MYBPC1: variants seen among roughly 807,000 people sequenced by gnomAD.
MYBPC1 encodes myosin-binding protein C, slow-type.
Under a neutral mutation model 147.1 loss-of-function variants are expected in MYBPC1, and 52 were observed. That is an observed-to-expected ratio of 0.35 (90% confidence interval 0.28 to 0.45). The LOEUF is 0.45. Among genes scored for constraint, MYBPC1 ranks in the 20% least tolerant of loss-of-function variants. MYBPC1 has a pLI of 1.00. For synonymous variants in MYBPC1, 477 were observed against 475.9 expected, an observed-to-expected ratio of 1.00 and a Z score of -0.03; for missense variants, 1,228 against 1,440.3, an observed-to-expected ratio of 0.85 and a Z score of 2.39.
intron 1 of MYBPC1, among the ~76,000 whole-genome samples, chr12:101,602,119 T>G (rs1880278183): frequency 6.6e-6 from 1 of 152,240 alleles, no homozygotes; most frequent in African/African-American, 2.4e-5. Context: ...TTTGTATGCC[T>G]CTGTTTCCTC....
chr12:101,680,954 A>G (rs534914572), intron 29 of MYBPC1, among the ~76,000 whole-genome samples: 1 of 152,290 alleles, frequency 6.6e-6, no homozygotes, highest in Admixed American at 6.5e-5. Flanking sequence ...TTAGTTTACT[A>G]TTTTGTAAAG....
Position 101,661,177 on chromosome 12 carries a change from G to A in MYBPC1, c.1947G>A (p.Val649=). ...CCACAGACTTCCCTGATCCTCCAGTGGCACCGACTGTGACAGAGGTGGGAG... is the reference window on the plus strand; with the variant it reads ...CCACAGACTTCCCTGATCCTCCAGTAGCACCGACTGTGACAGAGGTGGGAG... ...VKVVDFPDPP[V]APTVTEVGDD... The change falls in exon 20 of 32, where the codon GTG becomes GTA. Residue 649 remains valine (V), a synonymous_variant. Transcript: ENST00000361466. 2 of 1,613,476 alleles carry A rather than the reference G, an allele frequency of 1.2e-6. No homozygotes were observed. The highest frequency in any genetic ancestry group is 1.7e-4 in the Middle Eastern group (1 of 5,794).
chr12:101,614,618 A>C, intron 2 of MYBPC1, 87 bp downstream of exon 2: 1 of 1,392,900 alleles, frequency 7.2e-7, no homozygotes, highest in Non-Finnish European at 1.0e-6. Flanking sequence ...GGGTGCTGTG[A>C]GCTGTGAGCT....
At chr12:101,672,076 T>G (rs1038787868) in intron 24 of MYBPC1, among the ~76,000 whole-genome samples, 2 of 152,118 alleles carry the variant, frequency 1.3e-5, no homozygotes, top group African/African-American at 4.8e-5. Flanking sequence ...AATTCAGTGG[T>G]TTTTTCCACT....
rs76085227 is a variant in MYBPC1, at chr12:101,595,565, CT to C, written c.25+477del. ...TGTGACATTATTTCCATATTTGCTA[CT>C]TTTTTTAATGGAAACATATTTAAAA... is the stretch of plus-strand genomic sequence containing the variant. On this transcript the variant is annotated intron_variant, in intron 1 of 31. Transcript: ENST00000361466. 2.4e-3 allele frequency among the ~76,000 whole-genome samples: 367 copies of C among 151,976 alleles called. 1 individual carries two copies. The highest frequency in any genetic ancestry group is 8.1e-3 in the African/African-American group (335 of 41,458).
intron 8 of MYBPC1, among the ~76,000 whole-genome samples, chr12:101,632,979 C>T (rs922836800): frequency 6.6e-6 from 1 of 152,216 alleles, no homozygotes; most frequent in East Asian, 1.9e-4. Flanking sequence ...AAGTGATCCA[C>T]CTGCCTTGGC....
Position 101,678,136 on chromosome 12 carries a change from T to G in MYBPC1, c.3144T>G (p.Phe1048Leu). The change falls in exon 28 of 32, where the codon TTT becomes TTG. Residue 1048 changes from phenylalanine to leucine, a missense_variant. Phe to Leu is a conservative substitution (Grantham distance 22, BLOSUM62 0). Transcript: ENST00000361466. ...ACAAAAATCCAGTGTATGAAGACTT[T>G]GATTTCTCAGAGGCACCCATGTTTA... ...KIYKNPVYED[F>L]DFSEAPMFTQ... 6.2e-7 allele frequency: 1 copy of G among 1,613,996 alleles called. No homozygotes were observed. Among genetic ancestry groups the G allele is most frequent in the Non-Finnish European group, 8.5e-7 (1 of 1,179,828 alleles).
chr12:101,677,483 C>CA (rs1308688439), intron 27 of MYBPC1, 89 bp downstream of exon 27: 1 of 1,455,892 alleles, frequency 6.9e-7, no homozygotes, highest in Non-Finnish European at 9.5e-7. Flanking sequence ...TGAAAGGGAA[C>CA]AAAAAAATGG....
intron 4 of MYBPC1, among the ~76,000 whole-genome samples, chr12:101,627,493 T>C (rs987021209): frequency 6.6e-6 from 1 of 152,178 alleles, no homozygotes; most frequent in Admixed American, 6.5e-5. Flanking sequence ...TCCACCCACT[T>C]TGGCCTCCCA....
chr12:101,626,760 G>A (rs554303531), intron 3 of MYBPC1, 112 bp from the exon 4 acceptor site: 2 of 931,794 alleles, frequency 2.1e-6, no homozygotes, highest in Admixed American at 1.7e-5. Flanking sequence ...TTGCTCAGCA[G>A]TTGAAAGTGT....
At chr12:101,627,996 G>T in intron 5 of MYBPC1, 192 bp downstream of exon 5, 1 of 630,908 alleles carries the variant, frequency 1.6e-6, no homozygotes, top group Non-Finnish European at 2.7e-6. Flanking sequence ...TGATACACAC[G>T]CATTCAAGGA....
chr12:101,634,308 A>G (rs1890569287), intron 8 of MYBPC1, among the ~76,000 whole-genome samples: 1 of 152,224 alleles, frequency 6.6e-6, no homozygotes, highest in Non-Finnish European at 1.5e-5. Context: ...TAAGTCCCTC[A>G]GTGATTCTAG....
chr12:101,678,426 C>A (rs1183626579), intron 28 of MYBPC1, among the ~76,000 whole-genome samples, 188 bp downstream of exon 28: 2 of 152,208 alleles, frequency 1.3e-5, no homozygotes, highest in African/African-American at 4.8e-5. Flanking sequence ...GCTTACATTT[C>A]TTTGCTAAGG....
At chr12:101,695,201 C>T in the MYBPC1 span, among the ~76,000 whole-genome samples, 1 of 152,206 alleles carries the variant, frequency 6.6e-6, no homozygotes, top group African/African-American at 2.4e-5. Context: ...TCTCCAGAGA[C>T]ATATTCCAAG....
chr12:101,678,504 G>C (rs1900589481), intron 28 of MYBPC1, among the ~76,000 whole-genome samples: 1 of 152,230 alleles, frequency 6.6e-6, no homozygotes, highest in Non-Finnish European at 1.5e-5. Flanking sequence ...GGAGATGGAA[G>C]TATAATAATA....
At position 101,646,813 on chromosome 12, in the gene MYBPC1, G is replaced by T; in HGVS notation, c.1016G>T (p.Cys339Phe). The change falls in exon 13 of 32, where the codon TGT (cysteine) becomes TTT (phenylalanine). Residue 339 changes from cysteine (C) to phenylalanine (F), a missense_variant. Coordinates refer to ENST00000361466, the MANE Select transcript of MYBPC1 (RefSeq NM_002465.4). ...GCQRILFINN[C>F]QMTDDSEYYV... Reference sequence around the variant, plus strand: ...CAGAGAATCCTGTTTATCAATAACTGTCAGATGACAGATGATTCAGAGTAT... The same window carrying T: ...CAGAGAATCCTGTTTATCAATAACTTTCAGATGACAGATGATTCAGAGTAT... 3 of 1,613,490 alleles carry T rather than the reference G, an allele frequency of 1.9e-6. No individual in the cohort carries two copies. Among genetic ancestry groups the T allele is most frequent in the Non-Finnish European group, 2.5e-6 (3 of 1,179,402 alleles).
In MYBPC1 at chr12:101,677,230, T is replaced by G; in HGVS notation, c.2950-5T>G. On this transcript the variant is annotated splice_polypyrimidine_tract_variant and splice_region_variant and intron_variant, in intron 26 of 31. Coordinates refer to ENST00000361466, the MANE Select transcript of MYBPC1 (RefSeq NM_002465.4). ...TCCTCCAGTTATTATTTTTTTTTCT[T>G]TTAGGAATGGTTTACTGTCATTGAG... is the stretch of plus-strand genomic sequence containing the variant. 1 of 1,612,816 alleles carries G rather than the reference T, an allele frequency of 6.2e-7. No homozygotes were observed. The highest frequency in any genetic ancestry group is 8.5e-7 in the Non-Finnish European group (1 of 1,179,030).
rs909428410 is a variant in MYBPC1, at chr12:101,644,688, C to A, written c.857C>A (p.Ala286Glu). The stretch of plus-strand genomic sequence containing the variant: ...GCTTTTGCAAAAATTCTTGATCCTG[C>A]ATATCAGGTTGACAAAGGAGGCAGA... ...SAAFAKILDP[A>E]YQVDKGGRVR... The change falls in exon 12 of 32, where the codon GCA becomes GAA. Residue 286 changes from alanine to glutamate, a missense_variant. By Grantham distance (107) the Ala-to-Glu change is moderately radical. Transcript: ENST00000361466. The A allele has an allele frequency of 3.1e-6, 5 of 1,613,736 alleles. No individual in the cohort carries two copies. Among genetic ancestry groups the A allele is most frequent in the African/African-American group, 2.7e-5 (2 of 74,912 alleles).
intron 28 of MYBPC1, 115 bp downstream of exon 28, chr12:101,678,353 G>A (rs573043580): frequency 2.1e-6 from 3 of 1,444,462 alleles, no homozygotes; most frequent in African/African-American, 2.8e-5. Flanking sequence ...CAGGATGGGG[G>A]ATTAGAAGGT....
Sources: gnomAD v4.1 joint callset for allele counts (sites outside exome capture counted in the v4.1 genomes callset) on GRCh38, gnomAD v4.1.1 for gene constraint, MANE v1.5 for transcripts, NCBI Gene and HGNC (gene_info 2026-07-23, HGNC 2026-07-21) for gene names.